The following ADAMTSL3 variants were observed in gnomAD, a reference collection of about 807,000 sequenced individuals.
ADAMTSL3 encodes ADAMTS like 3.
Under a neutral mutation model 201.7 loss-of-function variants are expected in ADAMTSL3, and 128 were observed. The ratio of observed to expected loss-of-function variants is 0.63; its 90% CI spans 0.55 to 0.73. The LOEUF (loss-of-function observed/expected upper bound fraction) is 0.73. ADAMTSL3 is among the 30% of genes least tolerant of loss of function. The probability of loss-of-function intolerance (pLI) is 0.00; values close to 1 mark genes in which losing one functional copy is unlikely to be tolerated. For missense variants in ADAMTSL3, 1,990 were observed against 2,119.6 expected (o/e 0.94, Z 1.20); for synonymous variants, 738 against 748.4 (o/e 0.99, Z 0.23).
chr15:83,813,612 A>G (rs760741081), intron 5 of ADAMTSL3, among the ~76,000 whole-genome samples: 8 of 152,184 alleles, frequency 5.3e-5, no homozygotes, highest in Admixed American at 2.0e-4. Context: ...CTCCCTGACA[A>G]TTCAGACTTT....
intron 19 of ADAMTSL3, among the ~76,000 whole-genome samples, chr15:83,959,599 T>C (rs969835311): frequency 2.0e-5 from 3 of 152,236 alleles, no homozygotes; most frequent in African/African-American, 7.2e-5. Context: ...AAAGATTTTA[T>C]ATCCTGCCAA....
At chr15:83,822,366 C>T (rs368916523) in intron 6 of ADAMTSL3, among the ~76,000 whole-genome samples, 87 of 105,040 alleles carry the variant, frequency 8.3e-4, no homozygotes, top group African/African-American at 3.2e-3. Flanking sequence ...GACGGGGCGG[C>T]TGCCGGGCGG....
intron 6 of ADAMTSL3, among the ~76,000 whole-genome samples, chr15:83,823,071 T>C (rs1471068926): frequency 6.6e-6 from 1 of 151,602 alleles, no homozygotes; most frequent in Non-Finnish European, 1.5e-5. Flanking sequence ...GGCGCGCGCC[T>C]GCAAATTGCA....
intron 15 of ADAMTSL3, among the ~76,000 whole-genome samples, chr15:83,907,344 C>T (rs1388621900): frequency 1.3e-5 from 2 of 152,018 alleles, no homozygotes; most frequent in African/African-American, 4.8e-5. Flanking sequence ...AGAATGGTGC[C>T]ATTTCTGCTG....
chr15:83,873,887 A>T (rs2065128491), intron 9 of ADAMTSL3, among the ~76,000 whole-genome samples: 1 of 145,476 alleles, frequency 6.9e-6, no homozygotes, highest in Non-Finnish European at 1.5e-5. Context: ...TCATCTTTTC[A>T]TGATTAAAGT....
At chr15:83,956,975 T>C (rs1217636960) in intron 19 of ADAMTSL3, among the ~76,000 whole-genome samples, 1 of 152,134 alleles carries the variant, frequency 6.6e-6, no homozygotes, top group Non-Finnish European at 1.5e-5. Context: ...GCTCACTGTT[T>C]AAAAAGGCAG....
chr15:83,892,921 T>A, intron 13 of ADAMTSL3, 33 bp downstream of exon 13: 1 of 1,586,094 alleles, frequency 6.3e-7, no homozygotes, highest in Non-Finnish European at 8.6e-7. Context: ...TTTTAATTAA[T>A]TCTCATATTT....
Position 83,862,405 on chromosome 15 carries a change from G to A in ADAMTSL3, c.802+3565G>A, listed in dbSNP as rs550798546. 64 of 152,324 alleles carry A rather than the reference G, an allele frequency of 4.2e-4. 1 individual carries two copies. The highest frequency in any genetic ancestry group is 2.0e-3 in the Admixed American group (30 of 15,292). 9.4% of individuals were successfully genotyped at this position (152,324 alleles called of 1,614,324 possible). ...TTACCCACAAAGGGAAGCCCATCAG[G>A]CTAACAGCAGATCTCTTGGCAGAAA... is the stretch of plus-strand genomic sequence containing the variant. On this transcript the variant is annotated intron_variant, in intron 8 of 29. Transcript: ENST00000286744.
At chr15:83,768,838 G>T (rs1056471967) in intron 3 of ADAMTSL3, among the ~76,000 whole-genome samples, 1 of 152,160 alleles carries the variant, frequency 6.6e-6, no homozygotes, top group Admixed American at 6.5e-5. Context: ...TGGAAATCTG[G>T]GATATTATTG....
intron 9 of ADAMTSL3, among the ~76,000 whole-genome samples, chr15:83,871,374 TAG>T (rs1385095729): frequency 1.3e-5 from 2 of 152,138 alleles, no homozygotes; most frequent in African/African-American, 2.4e-5. Context: ...CAGTTTTAGA[TAG>T]AGTTTGGTGA....
chr15:83,983,384 C>T lies in ADAMTSL3; in HGVS notation c.3716+40C>T, dbSNP rs758712917. 4.6e-6 allele frequency: 6 copies of T among 1,296,070 alleles called. No homozygotes were observed. The African/African-American group carries it at 7.5e-5, about 16-fold the overall frequency. 80.3% of individuals were successfully genotyped at this position (1,296,070 alleles called of 1,614,324 possible). ...AATGCAGTATTCATTTTTGCACTAC[C>T]TTCTTAATGGCTATTCCAGTTTTCT... On this transcript the variant is annotated intron_variant, in intron 21 of 29. Coordinates refer to ENST00000286744, the MANE Select transcript of ADAMTSL3 (RefSeq NM_207517.3).
At chr15:83,662,600 G>GA (rs34465239) in intron 2 of ADAMTSL3, among the ~76,000 whole-genome samples, 25 of 143,672 alleles carry the variant, frequency 1.7e-4, no homozygotes, top group Admixed American at 6.2e-4. Flanking sequence ...AAGAAAGAAA[G>GA]AAAAAAAAAA....
chr15:83,962,485 TA>T (rs1290889431), intron 19 of ADAMTSL3: 1 of 152,204 alleles, frequency 6.6e-6, no homozygotes, highest in Admixed American at 6.5e-5. Context: ...AATCATGGTT[TA>T]AAAAATATCA....
chr15:83,965,653 G>A (rs577322052), intron 19 of ADAMTSL3, among the ~76,000 whole-genome samples: 1 of 152,252 alleles, frequency 6.6e-6, no homozygotes, highest in South Asian at 2.1e-4. Context: ...GGATATTCAG[G>A]ACTTGAACTC....
rs76212463 is a variant in ADAMTSL3 at position 83,711,596 on chromosome 15, C to G, written c.189+7088C>G. 7.2e-3 allele frequency among the ~76,000 whole-genome samples: 1,099 copies of G among 152,342 alleles called. 13 individuals are homozygous for G. Among genetic ancestry groups the G allele is most frequent in the African/African-American group, 0.024 (1,009 of 41,586 alleles). ...AAGATTTAGCGATCTAACAAGAAAG[C>G]AAGCTCATGGTCTGTTAAGAGAAGA... On this transcript the variant is annotated intron_variant, in intron 3 of 29. Coordinates refer to ENST00000286744, the MANE Select transcript of ADAMTSL3 (RefSeq NM_207517.3).
intron 17 of ADAMTSL3, among the ~76,000 whole-genome samples, chr15:83,934,606 A>T (rs1408162226): frequency 2.6e-5 from 4 of 152,164 alleles, no homozygotes; most frequent in Non-Finnish European, 5.9e-5. Flanking sequence ...AGGGGATGAA[A>T]TGATATGGTT....
At chr15:83,669,908 GAC>G (rs2061305910) in intron 2 of ADAMTSL3, among the ~76,000 whole-genome samples, 1 of 151,900 alleles carries the variant, frequency 6.6e-6, no homozygotes, top group Non-Finnish European at 1.5e-5. Flanking sequence ...GGGAGGAGTT[GAC>G]ACAAATCAGG....
At chr15:83,893,771 C>T (rs1004975823) in intron 13 of ADAMTSL3, among the ~76,000 whole-genome samples, 22 of 152,068 alleles carry the variant, frequency 1.4e-4, no homozygotes, top group African/African-American at 5.1e-4. Context: ...ACTGAGTAAG[C>T]CTCCAGAACA....
intron 26 of ADAMTSL3, among the ~76,000 whole-genome samples, chr15:84,021,866 C>T (rs150914578): frequency 6.6e-6 from 1 of 152,270 alleles, no homozygotes; most frequent in Non-Finnish European, 1.5e-5. Flanking sequence ...CCCCTGCTCT[C>T]AATCACTAAC....
Sources: allele counts gnomAD v4.1 joint callset (sites outside exome capture counted in the v4.1 genomes callset), GRCh38; gene constraint gnomAD v4.1.1; transcripts MANE v1.5; gene names NCBI Gene and HGNC (gene_info 2026-07-23, HGNC 2026-07-21).